Variants in FAM135B observed in about 807,000 individuals in gnomAD.
The protein encoded by FAM135B is family with sequence similarity 135 member B.
Under a neutral mutation model 127.7 loss-of-function variants are expected in FAM135B, and 43 were observed. The ratio of observed to expected loss-of-function variants is 0.34; its 90% CI spans 0.26 to 0.43. The LOEUF is 0.43. Ranked by LOEUF, FAM135B falls within the 20% of genes least tolerant of loss-of-function variation. The probability of loss-of-function intolerance (pLI) is 1.00; values close to 1 mark genes in which losing one functional copy is unlikely to be tolerated. For synonymous variants in FAM135B, 670 were observed against 665.1 expected, an observed-to-expected ratio of 1.01 and a Z score of -0.11; for missense variants, 1,558 against 1,725.6, an observed-to-expected ratio of 0.90 and a Z score of 1.72.
intron 19 of FAM135B, 65 bp downstream of exon 19, chr8:138,137,082 T>G: frequency 1.2e-6 from 1 of 856,354 alleles, no homozygotes; most frequent in Non-Finnish European, 2.0e-6. Context: ...AGGCAGTCAA[T>G]TCCATGAATT....
intron 11 of FAM135B, among the ~76,000 whole-genome samples, chr8:138,173,552 T>C (rs1448124229): frequency 1.3e-5 from 2 of 152,188 alleles, no homozygotes. Flanking sequence ...ATAGAGTTCA[T>C]GTGAACATTA....
intron 12 of FAM135B, among the ~76,000 whole-genome samples, chr8:138,159,486 G>C (rs905827616): frequency 2.0e-5 from 3 of 150,624 alleles, no homozygotes; most frequent in African/African-American, 7.3e-5. Flanking sequence ...CTATCATTCT[G>C]AGCAAACTAT....
chr8:138,199,249 A>G (rs371440856), intron 7 of FAM135B, among the ~76,000 whole-genome samples: 7 of 152,162 alleles, frequency 4.6e-5, no homozygotes, highest in Non-Finnish European at 8.8e-5. Context: ...CCGTACCACA[A>G]TGATTGTCAT....
intron 1 of FAM135B, among the ~76,000 whole-genome samples, chr8:138,380,394 A>T (rs918451560): frequency 6.6e-6 from 1 of 152,000 alleles, no homozygotes; most frequent in Non-Finnish European, 1.5e-5. Context: ...GGGTTTTGCC[A>T]TGTTGGCCAG....
intron 1 of FAM135B, among the ~76,000 whole-genome samples, chr8:138,486,392 A>C (rs1191608945): frequency 6.6e-6 from 1 of 152,112 alleles, no homozygotes; most frequent in East Asian, 1.9e-4. Context: ...GGAGGGCTGT[A>C]ATTGAAATAC....
In FAM135B at chr8:138,352,677, C is replaced by T. The variant is rs1321761623; in HGVS notation, c.77+15230G>A. Among the ~76,000 whole-genome samples, 3 of 152,160 alleles carry T rather than the reference C, an allele frequency of 2.0e-5. 1 individual carries two copies. In the East Asian group the frequency reaches 5.8e-4, roughly 29 times the overall value. ...ATGCCTATGTCTTACACTTATTGCTCAATCTGTTTTCCTCAATGCCCCCCA... is the reference window on the plus strand; with the variant it reads ...ATGCCTATGTCTTACACTTATTGCTTAATCTGTTTTCCTCAATGCCCCCCA... On this transcript the variant is annotated intron_variant, in intron 2 of 19. Transcript: ENST00000395297.
At chr8:138,404,634 T>C (rs11776079) in intron 1 of FAM135B, among the ~76,000 whole-genome samples, 60,643 of 151,896 alleles carry the variant, frequency 0.4, 12,577 homozygotes, top group African/African-American at 0.52. Flanking sequence ...ATATTTTAAA[T>C]CCTCTGTTGT....
chr8:138,375,558 G>C (rs910837828), intron 1 of FAM135B, among the ~76,000 whole-genome samples: 1 of 152,142 alleles, frequency 6.6e-6, no homozygotes, highest in African/African-American at 2.4e-5. Context: ...ACAGAAGGTT[G>C]ACAACAGATG....
At chr8:138,187,856 G>A (rs545965445) in intron 9 of FAM135B, among the ~76,000 whole-genome samples, 6 of 152,170 alleles carry the variant, frequency 3.9e-5, no homozygotes, top group Non-Finnish European at 8.8e-5. Flanking sequence ...TTTGAGCCCG[G>A]CCCCGATCTC....
intron 2 of FAM135B, among the ~76,000 whole-genome samples, chr8:138,356,566 G>C (rs1024986335): frequency 9.9e-5 from 15 of 152,126 alleles, no homozygotes; most frequent in Admixed American, 9.2e-4. Flanking sequence ...ATAAAAGACA[G>C]TTTCACCCAA....
intron 7 of FAM135B, among the ~76,000 whole-genome samples, chr8:138,213,884 G>A (rs772670636): frequency 1.3e-5 from 2 of 152,114 alleles, no homozygotes; most frequent in Admixed American, 6.6e-5. Flanking sequence ...CTGTAGCCCT[G>A]AAGACTTGTG....
rs555818176 is a variant in FAM135B, at chr8:138,322,609, C to T, written c.78-11689G>A. 2.4e-4 allele frequency among the ~76,000 whole-genome samples: 36 copies of T among 152,290 alleles called. 1 individual carries two copies. Among genetic ancestry groups the T allele is most frequent in the African/African-American group, 8.2e-4 (34 of 41,556 alleles). On this transcript the variant is annotated intron_variant, in intron 2 of 19. Coordinates refer to ENST00000395297, the MANE Select transcript of FAM135B (RefSeq NM_015912.4). ...TGCCCCATAATCTAATGATAGTCAG[C>T]TATGGGGAAATTGCACGAGGATTTA...
rs1002719362 is a variant in FAM135B at position 138,131,545 on chromosome 8, C to A, written c.*1048G>T. On this transcript the variant is annotated 3_prime_UTR_variant, in exon 20 of 20. Coordinates refer to ENST00000395297, the MANE Select transcript of FAM135B (RefSeq NM_015912.4). ...TTCCTAGCCCTTTATTTTCCTAAGG[C>A]AAGAAGACATTTCTATTGAAAGATA... The A allele has an allele frequency of 2.6e-5, 4 of 152,614 alleles. No individual in the cohort carries two copies. Among genetic ancestry groups the A allele is most frequent in the African/African-American group, 9.7e-5 (4 of 41,438 alleles). 9.5% of individuals were successfully genotyped at this position (152,614 alleles called of 1,614,324 possible).
chr8:138,181,696 C>CT (rs11417300), intron 9 of FAM135B, among the ~76,000 whole-genome samples: 2,345 of 150,976 alleles, frequency 0.016, 52 homozygotes, highest in Middle Eastern at 0.052. Context: ...CTCCTTGTTT[C>CT]TTTTTTTTTT....
At chr8:138,232,062 C>T (rs923752218) in intron 7 of FAM135B, among the ~76,000 whole-genome samples, 2 of 152,246 alleles carry the variant, frequency 1.3e-5, no homozygotes, top group East Asian at 1.9e-4. Context: ...AATGGTTAAA[C>T]GGCTCACTCA....
chr8:138,257,389 T>G (rs1460979936), intron 4 of FAM135B, among the ~76,000 whole-genome samples: 2 of 151,260 alleles, frequency 1.3e-5, no homozygotes, highest in African/African-American at 4.9e-5. Flanking sequence ...TCATGGCTGC[T>G]TTTGTCCTTT....
In FAM135B at chr8:138,243,159, G is replaced by A. The variant is rs925165438; in HGVS notation, c.543-91C>T. ...CCCCTTTGAGGAGTGTTCCTGTGAAGCATTTGGGATAAGTCATTTAGGAGT... is the reference window on the plus strand; with the variant it reads ...CCCCTTTGAGGAGTGTTCCTGTGAAACATTTGGGATAAGTCATTTAGGAGT... On this transcript the variant is annotated intron_variant, in intron 6 of 19. Transcript: ENST00000395297. This position sits in a 1 kb window ranked among gnomAD's most constrained non-coding sequence, Gnocchi z 7.5. 4 of 1,453,274 alleles carry A rather than the reference G, an allele frequency of 2.8e-6. No individual in the cohort carries two copies. The African/African-American group carries it at 5.7e-5, about 21-fold the overall frequency. 90.0% of individuals were successfully genotyped at this position (1,453,274 alleles called of 1,614,324 possible). A position where few individuals can be genotyped will look rare whatever the true frequency, so the allele number is the denominator to read the frequency against.
chr8:138,324,100 T>C (rs1827639113), intron 2 of FAM135B, among the ~76,000 whole-genome samples: 3 of 152,232 alleles, frequency 2.0e-5, no homozygotes, highest in African/African-American at 7.2e-5. Context: ...CAAATCCCCG[T>C]GTCCCAGCCA....
At chr8:138,292,289 A>G (rs182737255) in intron 3 of FAM135B, among the ~76,000 whole-genome samples, 15 of 152,284 alleles carry the variant, frequency 9.9e-5, no homozygotes. Flanking sequence ...ACATGTAAAG[A>G]TAGCTCATGT....
Sources: allele counts gnomAD v4.1 joint callset (sites outside exome capture counted in the v4.1 genomes callset), GRCh38; gene constraint gnomAD v4.1.1; non-coding constraint Gnocchi (gnomAD v3.1); transcripts MANE v1.5; gene names NCBI Gene and HGNC (gene_info 2026-07-23, HGNC 2026-07-21).